The following STOX2 variants were observed in gnomAD, a reference collection of about 807,000 sequenced individuals.
STOX2 encodes the protein storkhead box 2.
In STOX2, 28 loss-of-function variants were observed where a neutral mutation model predicts 60.9. The ratio of observed to expected loss-of-function variants is 0.46; its 90% confidence interval spans 0.34 to 0.63. The LOEUF (loss-of-function observed/expected upper bound fraction) is 0.63, where lower values mean the gene tolerates loss of function less well. STOX2 is among the 30% of genes least tolerant of loss of function. STOX2 has a pLI of 0.01. For synonymous variants in STOX2, 472 were observed against 463.9 expected (o/e 1.02, Z -0.22); for missense variants, 1,024 against 1,187.7 (o/e 0.86, Z 2.03).
intron 1 of STOX2, among the ~76,000 whole-genome samples, chr4:183,833,058 C>T (rs1002685552): frequency 2.6e-5 from 4 of 152,216 alleles, no homozygotes; most frequent in African/African-American, 7.2e-5. Flanking sequence ...TTATCCATGG[C>T]GATGGTCTAC....
rs1278746224 is a variant in STOX2 at position 184,009,139 on chromosome 4, T to TG, written c.320-19_320-18insG. 12 of 1,351,212 alleles carry TG rather than the reference T, an allele frequency of 8.9e-6. No homozygotes were observed. The African/African-American group carries it at 1.2e-4, about 14-fold the overall frequency. 83.7% of individuals were successfully genotyped at this position (1,351,212 alleles called of 1,614,324 possible). On this transcript the variant is annotated intron_variant, in intron 2 of 3. Coordinates refer to ENST00000308497, the MANE Select transcript of STOX2 (RefSeq NM_020225.3). This position sits in a 1 kb window ranked among gnomAD's most constrained non-coding sequence, Gnocchi z 4.0. ...TCTGTCTTCATTCTCACAAGTGGTTTTTTTTTTTTTTTTTTCAGGTGTTCC... is the reference window on the plus strand; with the variant it reads ...TCTGTCTTCATTCTCACAAGTGGTTTGTTTTTTTTTTTTTTTCAGGTGTTCC...
intron 1 of STOX2, among the ~76,000 whole-genome samples, chr4:183,891,953 A>G (rs1328205139): frequency 6.6e-6 from 1 of 152,158 alleles, no homozygotes; most frequent in Non-Finnish European, 1.5e-5. Context: ...TGTTTTCCCC[A>G]TGTTCCGGAG....
intron 1 of STOX2, among the ~76,000 whole-genome samples, chr4:183,952,336 T>G (rs1438632392): frequency 1.3e-5 from 2 of 152,236 alleles, no homozygotes; most frequent in African/African-American, 4.8e-5. Flanking sequence ...CATCACTGAT[T>G]TTACTTTTGT....
intron 1 of STOX2, among the ~76,000 whole-genome samples, chr4:183,884,246 A>G (rs111892897): frequency 2.0e-5 from 3 of 152,128 alleles, no homozygotes; most frequent in Non-Finnish European, 4.4e-5. Context: ...AGTATATTAA[A>G]AAACTTGTCA....
At chr4:183,935,124 G>A (rs538511142) in intron 1 of STOX2, among the ~76,000 whole-genome samples, 3 of 152,354 alleles carry the variant, frequency 2.0e-5, no homozygotes, top group African/African-American at 4.8e-5. Context: ...TATGTAAAAT[G>A]GAGTTCTGTT....
At chr4:183,829,131 T>G (rs6817059) in intron 1 of STOX2, among the ~76,000 whole-genome samples, 12,342 of 152,280 alleles carry the variant, frequency 0.081, 1,616 homozygotes, top group African/African-American at 0.28. Flanking sequence ...AGAAATAAAC[T>G]TTTGCTCTTT....
At chr4:183,922,169 A>T (rs116767583) in intron 1 of STOX2, among the ~76,000 whole-genome samples, 223 of 152,294 alleles carry the variant, frequency 1.5e-3, no homozygotes, top group Non-Finnish European at 1.7e-3. Flanking sequence ...CATTCATCTG[A>T]GCTAGATGAC....
At chr4:183,874,956 T>A (rs11277304) in intron 1 of STOX2, among the ~76,000 whole-genome samples, 763 of 29,200 alleles carry the variant, frequency 0.026, 10 homozygotes, top group East Asian at 0.052. Flanking sequence ...AAAAAAAATA[T>A]ATATATATAT....
intron 1 of STOX2, chr4:183,798,697 C>A (rs1358598363): frequency 1.0e-6 from 1 of 985,116 alleles, no homozygotes; most frequent in African/African-American, 1.7e-5. Context: ...ACAAAGAGGC[C>A]GGAGGAAAAA....
rs550730338 is a variant in STOX2 at position 184,017,410 on chromosome 4, C to T, written c.*126C>T. On this transcript the variant is annotated 3_prime_UTR_variant, in exon 4 of 4. Coordinates refer to ENST00000308497, the MANE Select transcript of STOX2 (RefSeq NM_020225.3). ...AGTTTTTGTGTTTACTTAAACTGTG[C>T]TGCTAAGTAGGGCTAGGGCAAAAAA... 2.2e-5 allele frequency: 22 copies of T among 1,011,508 alleles called. No individual in the cohort carries two copies. The African/African-American group carries it at 3.3e-4, about 15-fold the overall frequency. 62.7% of individuals were successfully genotyped at this position (1,011,508 alleles called of 1,614,324 possible). A position where few individuals can be genotyped will look rare whatever the true frequency, so the allele number is the denominator to read the frequency against.
At chr4:183,823,492 G>A (rs150779402) in intron 1 of STOX2, among the ~76,000 whole-genome samples, 487 of 152,322 alleles carry the variant, frequency 3.2e-3, no homozygotes, top group Non-Finnish European at 5.2e-3. Context: ...AAGGCAAACT[G>A]TTACACAATA....
At chr4:183,942,417 A>C (rs974872113) in intron 1 of STOX2, among the ~76,000 whole-genome samples, 2 of 150,728 alleles carry the variant, frequency 1.3e-5, no homozygotes, top group African/African-American at 4.9e-5. Context: ...GACTCACCAC[A>C]TGGGACCAGA....
In STOX2 at chr4:184,011,202, G is replaced by A. The variant is rs759501893; in HGVS notation, c.2364G>A (p.Lys788=). ...DDDDSEEGAN[K]NTEEEKNRED... is the part of the protein sequence containing the mutation. ...ACGACTCTGAGGAAGGGGCAAACAA[G>A]AACACAGAGGAGGAGAAAAATAGAG... The change falls in exon 3 of 4, where the codon AAG becomes AAA. Residue 788 remains lysine, a synonymous_variant. Coordinates refer to ENST00000308497, the MANE Select transcript of STOX2 (RefSeq NM_020225.3). This position sits in a 1 kb window ranked among gnomAD's most constrained non-coding sequence, Gnocchi z 4.4. The A allele has an allele frequency of 1.2e-6, 2 of 1,603,040 alleles. No individual in the cohort carries two copies. Among genetic ancestry groups the A allele is most frequent in the Non-Finnish European group, 1.7e-6 (2 of 1,175,580 alleles).
At chr4:183,981,534 C>T (rs980436569) in intron 1 of STOX2, among the ~76,000 whole-genome samples, 4 of 152,028 alleles carry the variant, frequency 2.6e-5, no homozygotes, top group Admixed American at 6.6e-5. Context: ...GGCAACACTT[C>T]GTTTTTCTGT....
At chr4:183,891,998 G>T (rs867028062) in intron 1 of STOX2, among the ~76,000 whole-genome samples, 1 of 152,220 alleles carries the variant, frequency 6.6e-6, no homozygotes, top group Middle Eastern at 3.4e-3. Context: ...GGACAGGCCG[G>T]CGGTCTCCAC....
intron 1 of STOX2, among the ~76,000 whole-genome samples, chr4:183,963,856 A>G (rs984536074): frequency 1.3e-5 from 2 of 150,844 alleles, no homozygotes; most frequent in African/African-American, 2.4e-5. Context: ...GCTCACTGCA[A>G]GCTCCGCCTC....
intron 1 of STOX2, among the ~76,000 whole-genome samples, chr4:183,991,854 AT>A (rs1342854274): frequency 1.3e-5 from 2 of 152,202 alleles, no homozygotes; most frequent in Non-Finnish European, 2.9e-5. Context: ...ATCATTATGT[AT>A]ACTTCACAAA....
intron 1 of STOX2, among the ~76,000 whole-genome samples, chr4:183,855,929 C>T (rs1209456904): frequency 6.6e-6 from 1 of 152,170 alleles, no homozygotes; most frequent in Non-Finnish European, 1.5e-5. Flanking sequence ...AATCTTCTGC[C>T]TATGGTGCAC....
At chr4:183,880,242 C>T (rs1025797270) in intron 1 of STOX2, among the ~76,000 whole-genome samples, 1 of 152,094 alleles carries the variant, frequency 6.6e-6, no homozygotes, top group African/African-American at 2.4e-5. Context: ...CCTTGGCCTC[C>T]CAAAGTGCTG....
Sources: allele counts gnomAD v4.1 joint callset (sites outside exome capture counted in the v4.1 genomes callset), GRCh38; gene constraint gnomAD v4.1.1; non-coding constraint Gnocchi (gnomAD v3.1); transcripts MANE v1.5; gene names NCBI Gene and HGNC (gene_info 2026-07-23, HGNC 2026-07-21).